ADAMTSL1: variants seen among roughly 807,000 people sequenced by gnomAD.
ADAMTSL1 encodes the protein ADAMTS like 1.
ADAMTSL1 carries 126 observed loss-of-function variants against 201.8 expected under a neutral mutation model. That is an observed-to-expected ratio of 0.62 (90% CI 0.54 to 0.72). The LOEUF (loss-of-function observed/expected upper bound fraction) is 0.72. ADAMTSL1 is among the 30% of genes least tolerant of loss of function. The pLI is 0.00. For missense variants in ADAMTSL1, 2,679 were observed against 2,277.8 expected, an observed-to-expected ratio of 1.18 and a Z score of -3.59; for synonymous variants, 1,121 against 903.4, an observed-to-expected ratio of 1.24 and a Z score of -4.32.
chr9:18,857,600 C>A (rs565159452), intron 23 of ADAMTSL1, among the ~76,000 whole-genome samples: 40 of 152,310 alleles, frequency 2.6e-4, no homozygotes, highest in African/African-American at 8.9e-4. Flanking sequence ...ACTGCTGATG[C>A]TAATGCCAGT....
intron 1 of ADAMTSL1, among the ~76,000 whole-genome samples, chr9:18,030,475 A>G (rs1011122152): frequency 6.6e-6 from 1 of 152,104 alleles, no homozygotes; most frequent in Non-Finnish European, 1.5e-5. Flanking sequence ...TGGGTGCAGC[A>G]CACCAGCATG....
chr9:18,864,417 A>T (rs1827381790), intron 23 of ADAMTSL1, among the ~76,000 whole-genome samples: 2 of 152,182 alleles, frequency 1.3e-5, no homozygotes, highest in Admixed American at 1.3e-4. Context: ...AGCTGGCTTG[A>T]TCTATCCTAC....
chr9:18,589,858 T>A (rs948745716), intron 4 of ADAMTSL1, among the ~76,000 whole-genome samples: 1 of 152,218 alleles, frequency 6.6e-6, no homozygotes, highest in Middle Eastern at 3.2e-3. Flanking sequence ...TTTGTTCATG[T>A]ACTGTATCAT....
intron 2 of ADAMTSL1, among the ~76,000 whole-genome samples, chr9:18,261,608 C>T (rs957971547): frequency 6.6e-6 from 1 of 152,244 alleles, no homozygotes; most frequent in South Asian, 2.1e-4. Flanking sequence ...ATATTCCAAC[C>T]TTTGACAGTT....
chr9:18,845,540 A>T (rs2131343751), intron 23 of ADAMTSL1, among the ~76,000 whole-genome samples: 1 of 152,366 alleles, frequency 6.6e-6, no homozygotes, highest in African/African-American at 2.4e-5. Context: ...GAGCCCTTCC[A>T]GCCATGCAAA....
At chr9:18,897,206 C>A (rs572787275) in intron 26 of ADAMTSL1, among the ~76,000 whole-genome samples, 52 of 152,358 alleles carry the variant, frequency 3.4e-4, no homozygotes, top group African/African-American at 1.2e-3. Flanking sequence ...GTTATACTAA[C>A]AGATGTCTGA....
intron 1 of ADAMTSL1, among the ~76,000 whole-genome samples, chr9:18,151,522 T>A (rs1476372355): frequency 6.6e-6 from 1 of 151,872 alleles, no homozygotes; most frequent in South Asian, 2.1e-4. Flanking sequence ...GTTTTTTTTT[T>A]AATCAAGATA....
chr9:18,867,159 C>G (rs531436407), intron 23 of ADAMTSL1, among the ~76,000 whole-genome samples: 69 of 152,372 alleles, frequency 4.5e-4, no homozygotes, highest in African/African-American at 1.4e-3. Context: ...CTAGCAGATT[C>G]TGCCACACAC....
At chr9:17,977,794 T>C (rs1302261418) in intron 1 of ADAMTSL1, among the ~76,000 whole-genome samples, 1 of 152,120 alleles carries the variant, frequency 6.6e-6, no homozygotes, top group Non-Finnish European at 1.5e-5. Context: ...AGAAAATGTA[T>C]ATTCTACAGC....
At chr9:18,265,840 T>A (rs1006567824) in intron 2 of ADAMTSL1, among the ~76,000 whole-genome samples, 2 of 152,166 alleles carry the variant, frequency 1.3e-5, no homozygotes, top group African/African-American at 2.4e-5. Flanking sequence ...CAATGTATTA[T>A]AAGTTTTCAG....
intron 2 of ADAMTSL1, among the ~76,000 whole-genome samples, chr9:18,234,760 C>A (rs1436168987): frequency 2.0e-5 from 3 of 152,122 alleles, no homozygotes; most frequent in African/African-American, 7.2e-5. Context: ...TATAAAATGC[C>A]TCCTATGGAT....
chr9:18,315,424 C>T (rs1164987375), intron 2 of ADAMTSL1, among the ~76,000 whole-genome samples: 3 of 152,018 alleles, frequency 2.0e-5, no homozygotes, highest in African/African-American at 4.8e-5. Flanking sequence ...GTGTGGGAGC[C>T]CAAGGGGGAG....
At chr9:18,890,420 T>C (rs949130375) in intron 25 of ADAMTSL1, 17 of 436,062 alleles carry the variant, frequency 3.9e-5, no homozygotes, top group African/African-American at 3.0e-4. Context: ...AAATGGATAA[T>C]AGATGGGCTT....
intron 2 of ADAMTSL1, among the ~76,000 whole-genome samples, chr9:18,439,178 T>A (rs1819886001): frequency 6.6e-6 from 1 of 152,078 alleles, no homozygotes. Context: ...AAATTCCAAG[T>A]CCCTCATCAT....
At chr9:18,275,287 A>G (rs567641443) in intron 2 of ADAMTSL1, among the ~76,000 whole-genome samples, 1 of 152,340 alleles carries the variant, frequency 6.6e-6, no homozygotes, top group East Asian at 1.9e-4. Flanking sequence ...ATAGCTATTA[A>G]TAAAAACTGT....
At chr9:18,448,457 C>A (rs1188891065) in intron 2 of ADAMTSL1, among the ~76,000 whole-genome samples, 1 of 152,172 alleles carries the variant, frequency 6.6e-6, no homozygotes, top group Non-Finnish European at 1.5e-5. Context: ...CATGACCTAC[C>A]TTTCCAAATT....
chr9:18,879,896 C>G (rs1316893204), intron 23 of ADAMTSL1, among the ~76,000 whole-genome samples: 1 of 152,196 alleles, frequency 6.6e-6, no homozygotes, highest in East Asian at 1.9e-4. Flanking sequence ...TCAATCCTCT[C>G]AAACCCTGCC....
chr9:18,678,465 G>T (rs1237697715), intron 10 of ADAMTSL1, among the ~76,000 whole-genome samples: 1 of 152,106 alleles, frequency 6.6e-6, no homozygotes, highest in African/African-American at 2.4e-5. Flanking sequence ...AACTGTAGTT[G>T]TATGCTGGGA....
At chr9:18,590,401 C>G (rs1823829811) in intron 4 of ADAMTSL1, among the ~76,000 whole-genome samples, 1 of 151,824 alleles carries the variant, frequency 6.6e-6, no homozygotes, top group Admixed American at 6.6e-5. Flanking sequence ...TGAGTCTTCT[C>G]TATTTTTTTC....
Sources: allele counts gnomAD v4.1 joint callset (sites outside exome capture counted in the v4.1 genomes callset), GRCh38; gene constraint gnomAD v4.1.1; transcripts MANE v1.5; gene names NCBI Gene and HGNC (gene_info 2026-07-23, HGNC 2026-07-21).